Variants in CCDC141 observed in about 807,000 individuals in gnomAD.
The protein encoded by CCDC141 is coiled-coil domain-containing protein 141.
Under a neutral mutation model 181.0 loss-of-function variants are expected in CCDC141, and 168 were observed. The observed-to-expected ratio is 0.93, with a 90% confidence interval of 0.82 to 1.05. CCDC141 has a LOEUF of 1.05. Among genes scored for constraint, CCDC141 ranks in the 50% least tolerant of loss-of-function variants. The pLI, the probability that CCDC141 is intolerant of heterozygous loss-of-function variation, is 0.00. For missense variants in CCDC141, 1,902 were observed against 1,788.5 expected (o/e 1.06, Z -1.14); for synonymous variants, 666 against 642.3 (o/e 1.04, Z -0.56).
At chr2:178,942,947 A>C (rs1689581717) in intron 6 of CCDC141, among the ~76,000 whole-genome samples, 1 of 152,158 alleles carries the variant, frequency 6.6e-6, no homozygotes, top group Non-Finnish European at 1.5e-5. Context: ...TGAGCTATAA[A>C]CTATGAGAAA....
At chr2:178,980,252 A>C (rs1182143676) in intron 2 of CCDC141, among the ~76,000 whole-genome samples, 1 of 152,164 alleles carries the variant, frequency 6.6e-6, no homozygotes, top group Non-Finnish European at 1.5e-5. Context: ...GATGGAGACC[A>C]TCCTGGCTAA....
chr2:178,886,725 C>A, intron 10 of CCDC141, 27 bp downstream of exon 10: 1 of 1,300,788 alleles, frequency 7.7e-7, no homozygotes, highest in Non-Finnish European at 1.0e-6. Context: ...AAATTATAGC[C>A]ATAATAATCA....
At chr2:178,852,190 A>G (rs1685193506) in intron 20 of CCDC141, among the ~76,000 whole-genome samples, 2 of 152,246 alleles carry the variant, frequency 1.3e-5, no homozygotes, top group Non-Finnish European at 2.9e-5. Context: ...TGCCAGGAAT[A>G]TAAACAAAGC....
In CCDC141 at chr2:178,845,718, G is replaced by C; in HGVS notation, c.3382C>G (p.Pro1128Ala). 6.2e-7 allele frequency: 1 copy of C among 1,610,678 alleles called. No individual in the cohort carries two copies. The highest frequency in any genetic ancestry group is 2.2e-5 in the East Asian group (1 of 44,754). The change falls in exon 22 of 24, where the codon CCG becomes GCG. Residue 1128 changes from proline to alanine, a missense_variant. Coordinates refer to ENST00000443758, the MANE Select transcript of CCDC141 (RefSeq NM_173648.4). ...LKQGDVLKMNPNLEDFHYDYI... is the reference protein window; with the variant it reads ...LKQGDVLKMNANLEDFHYDYI... Reference sequence around the variant, plus strand: ...TCATAATGGAAGTCTTCCAAATTCGGATTCATCTTTAAAACATCTCCCTGC... The same window carrying C: ...TCATAATGGAAGTCTTCCAAATTCGCATTCATCTTTAAAACATCTCCCTGC...
chr2:178,975,073 A>G lies in CCDC141; in HGVS notation c.510T>C (p.His170=), dbSNP rs769871329. The G allele has an allele frequency of 6.6e-7, 1 of 1,506,916 alleles. No individual in the cohort carries two copies. Among genetic ancestry groups the G allele is most frequent in the Non-Finnish European group, 9.0e-7 (1 of 1,113,030 alleles). The allele number at this position is 1,506,916 out of a possible 1,614,324, so 93.3% of individuals were successfully genotyped here. The change falls in exon 4 of 24, where the codon CAT becomes CAC. Residue 170 remains histidine (H), a synonymous_variant. Coordinates refer to ENST00000443758, the MANE Select transcript of CCDC141 (RefSeq NM_173648.4). ...AESLKSLLQL[H]EHHTKELLER... ...ATTTCTTGCCTTTAGTATGATGTTC[A>G]TGAAGCTGAAGAAGTGATTTTAAGG... is the stretch of plus-strand genomic sequence containing the variant.
intron 5 of CCDC141, among the ~76,000 whole-genome samples, chr2:178,946,022 C>T (rs1247645608): frequency 2.6e-5 from 4 of 152,204 alleles, no homozygotes; most frequent in Admixed American, 2.6e-4. Flanking sequence ...GGAAGCATTT[C>T]TCCAGCTTTC....
intron 9 of CCDC141, 78 bp downstream of exon 9, chr2:178,888,449 C>T (rs1174294787): frequency 7.4e-6 from 10 of 1,358,206 alleles, no homozygotes; most frequent in East Asian, 2.5e-5. Flanking sequence ...CCTGTCCTCC[C>T]GCCATGCCCA....
At chr2:178,838,770 T>A (rs1424282070) in intron 22 of CCDC141, among the ~76,000 whole-genome samples, 2 of 152,220 alleles carry the variant, frequency 1.3e-5, no homozygotes, top group Non-Finnish European at 2.9e-5. Context: ...TCTGCTCCAA[T>A]CTGAGTGTAG....
intron 8 of CCDC141, among the ~76,000 whole-genome samples, chr2:178,900,337 AG>A (rs1204088884): frequency 6.6e-6 from 1 of 152,024 alleles, no homozygotes; most frequent in African/African-American, 2.4e-5. Context: ...AGAGCAAAAG[AG>A]GGGAAAAGAA....
chr2:178,942,005 A>T (rs1304083560), intron 6 of CCDC141, among the ~76,000 whole-genome samples: 2 of 143,312 alleles, frequency 1.4e-5, no homozygotes, highest in Non-Finnish European at 3.0e-5. Context: ...AAAAAAAGGG[A>T]AAAGAAAAGA....
chr2:178,861,635 C>CAA lies in CCDC141; in HGVS notation c.2724+4130_2724+4131dup, dbSNP rs550382240. Among the ~76,000 whole-genome samples, 336 of 97,904 alleles carry CAA rather than the reference C, an allele frequency of 3.4e-3. 5 individuals carry two copies. The highest frequency in any genetic ancestry group is 7.9e-3 in the African/African-American group (227 of 28,770). 64.2% of individuals were successfully genotyped at this position (97,904 alleles called of 152,430 possible). On this transcript the variant is annotated intron_variant, in intron 17 of 23. Coordinates refer to ENST00000443758, the MANE Select transcript of CCDC141 (RefSeq NM_173648.4). ...TGGGCGACAGAGTGAGACTCAGTCT[C>CAA]AAAAAAAAAAAAAAAAAAGTTTTTT...
rs16866567 is a variant in CCDC141, at chr2:178,853,246, T to A, written c.3244+195A>T. Reference sequence around the variant, plus strand: ...AGTAGGTAAAAATCTGCAGGCTTCATCTGCTGTCAGAAATTCCTCCCTCTG... The same window carrying A: ...AGTAGGTAAAAATCTGCAGGCTTCAACTGCTGTCAGAAATTCCTCCCTCTG... On this transcript the variant is annotated intron_variant, in intron 20 of 23. Transcript: ENST00000443758. Among the ~76,000 whole-genome samples, 662 of 152,342 alleles carry A rather than the reference T, an allele frequency of 4.3e-3. 8 individuals carry two copies. Among genetic ancestry groups the A allele is most frequent in the African/African-American group, 0.015 (637 of 41,582 alleles).
chr2:178,965,918 C>T (rs953676104), intron 4 of CCDC141, among the ~76,000 whole-genome samples: 11 of 152,152 alleles, frequency 7.2e-5, no homozygotes, highest in Non-Finnish European at 8.8e-5. Context: ...CGACCCGGTA[C>T]GTTCCATCTT....
chr2:178,830,925 G>A lies in CCDC141; in HGVS notation c.*3248C>T, dbSNP rs902781909. 6.6e-6 allele frequency: 1 copy of A among 152,246 alleles called. No individual in the cohort carries two copies. Among genetic ancestry groups the A allele is most frequent in the African/African-American group, 2.4e-5 (1 of 41,454 alleles). 9.4% of individuals were successfully genotyped at this position (152,246 alleles called of 1,614,324 possible). A position where few individuals can be genotyped will look rare whatever the true frequency, so the allele number is the denominator to read the frequency against. Reference sequence around the variant, plus strand: ...CCTGAAGTTAAATGTCACTTTACTAGGGGTTGGGGGTAATAGGAGGGGATC... The same window carrying A: ...CCTGAAGTTAAATGTCACTTTACTAAGGGTTGGGGGTAATAGGAGGGGATC... On this transcript the variant is annotated 3_prime_UTR_variant, in exon 24 of 24. Coordinates refer to ENST00000443758, the MANE Select transcript of CCDC141 (RefSeq NM_173648.4).
At chr2:178,964,346 C>T (rs893787081) in intron 4 of CCDC141, among the ~76,000 whole-genome samples, 1 of 152,178 alleles carries the variant, frequency 6.6e-6, no homozygotes, top group African/African-American at 2.4e-5. Flanking sequence ...CTCTAACTAA[C>T]TCTTACACAT....
At chr2:179,027,896 A>G (rs1016167904) in intron 2 of CCDC141, among the ~76,000 whole-genome samples, 1 of 152,162 alleles carries the variant, frequency 6.6e-6, no homozygotes, top group Non-Finnish European at 1.5e-5. Context: ...TTCACCCAAA[A>G]TTAGCCCTGG....
chr2:178,878,481 T>C (rs974568866), intron 11 of CCDC141, among the ~76,000 whole-genome samples: 5 of 145,072 alleles, frequency 3.4e-5, no homozygotes, highest in Non-Finnish European at 7.6e-5. Context: ...CTGGCTAATT[T>C]TTTTTTTTTT....
intron 2 of CCDC141, among the ~76,000 whole-genome samples, chr2:178,979,723 T>G (rs1432026890): frequency 6.6e-6 from 1 of 152,182 alleles, no homozygotes; most frequent in Non-Finnish European, 1.5e-5. Flanking sequence ...TGCTTTAAAA[T>G]GGCATTTATA....
At chr2:178,934,122 G>A (rs149169863) in intron 6 of CCDC141, among the ~76,000 whole-genome samples, 34 of 151,968 alleles carry the variant, frequency 2.2e-4, no homozygotes, top group African/African-American at 8.0e-4. Context: ...CCCCCCAGGT[G>A]ACTCCAGTGT....
Sources: allele counts gnomAD v4.1 joint callset (sites outside exome capture counted in the v4.1 genomes callset), GRCh38; gene constraint gnomAD v4.1.1; transcripts MANE v1.5; gene names NCBI Gene and HGNC (gene_info 2026-07-23, HGNC 2026-07-21).